DPP6: variants seen among roughly 807,000 people sequenced by gnomAD.
The protein encoded by DPP6 is A-type potassium channel modulatory protein DPP6.
In DPP6, 69 loss-of-function variants were observed where a neutral mutation model predicts 122.6. That is an observed-to-expected ratio of 0.56 (90% confidence interval 0.46 to 0.69). DPP6 has a LOEUF of 0.69. DPP6 is among the 30% of genes least tolerant of loss of function. The pLI is 0.00. For missense variants in DPP6, 928 were observed against 1,116.9 expected, an observed-to-expected ratio of 0.83 and a Z score of 2.41; for synonymous variants, 418 against 433.1, an observed-to-expected ratio of 0.97 and a Z score of 0.43.
intron 6 of DPP6, among the ~76,000 whole-genome samples, chr7:154,656,463 C>T (rs1008334210): frequency 6.6e-6 from 1 of 151,702 alleles, no homozygotes; most frequent in Non-Finnish European, 1.5e-5. Context: ...AAGCAGCAGC[C>T]GCAGCATGTG....
At chr7:154,720,400 G>A (rs729269) in intron 7 of DPP6, among the ~76,000 whole-genome samples, 28,074 of 152,252 alleles carry the variant, frequency 0.18, 2,859 homozygotes, top group Admixed American at 0.23. Flanking sequence ...CAAAGCAGAT[G>A]TTATCATTCT....
At chr7:154,709,763 G>C (rs1337598642) in intron 7 of DPP6, among the ~76,000 whole-genome samples, 1 of 151,846 alleles carries the variant, frequency 6.6e-6, no homozygotes, top group East Asian at 1.9e-4. Context: ...CTTTGTTGTT[G>C]GTATATCTCT....
intron 1 of DPP6, among the ~76,000 whole-genome samples, chr7:154,188,432 C>T (rs953527206): frequency 1.3e-5 from 2 of 152,106 alleles, no homozygotes; most frequent in African/African-American, 4.8e-5. Flanking sequence ...AATTAATTTA[C>T]AATCTAGTAG....
chr7:153,936,634 G>A (rs1392569775), intron 1 of DPP6, among the ~76,000 whole-genome samples: 5 of 150,456 alleles, frequency 3.3e-5, no homozygotes, highest in Admixed American at 6.6e-5. Flanking sequence ...GTGAAACCCC[G>A]TCTCTACTAA....
intron 1 of DPP6, among the ~76,000 whole-genome samples, chr7:153,892,645 G>A (rs1289583177): frequency 6.6e-6 from 1 of 152,166 alleles, no homozygotes; most frequent in East Asian, 1.9e-4. Context: ...ATTTCTAGGA[G>A]TGTGGCCTTC....
chr7:154,332,219 A>G (rs979736462), intron 1 of DPP6, among the ~76,000 whole-genome samples: 1 of 151,946 alleles, frequency 6.6e-6, no homozygotes, highest in African/African-American at 2.4e-5. Flanking sequence ...TTACAGGCAC[A>G]TGCCACCACG....
At chr7:154,751,927 A>G (rs544504787) in intron 8 of DPP6, among the ~76,000 whole-genome samples, 6 of 152,246 alleles carry the variant, frequency 3.9e-5, no homozygotes, top group Middle Eastern at 3.4e-3. Context: ...TGTCACCCTA[A>G]AAAGGGATCC....
chr7:153,871,527 C>T, the DPP6 span, among the ~76,000 whole-genome samples: 1 of 152,148 alleles, frequency 6.6e-6, no homozygotes, highest in African/African-American at 2.4e-5. Flanking sequence ...TGGGAGTGAC[C>T]CAATTTTCCA....
Position 154,676,122 on chromosome 7 carries a change from A to G in DPP6, c.762+6681A>G, listed in dbSNP as rs111649133. ...GTGTTCCGGGCTACAGCCTTGCAGC[A>G]TGCTGTCTGGAGGTCCAGCTGTCCT... On this transcript the variant is annotated intron_variant, in intron 7 of 25. Transcript: ENST00000377770. Among the ~76,000 whole-genome samples the G allele has an allele frequency of 4.0e-3, 469 of 117,818 alleles. 11 individuals are homozygous for G. The highest frequency in any genetic ancestry group is 9.4e-3 in the Middle Eastern group (2 of 212). 77.3% of individuals were successfully genotyped at this position (117,818 alleles called of 152,430 possible). A position where few individuals can be genotyped will look rare whatever the true frequency, so the allele number is the denominator to read the frequency against.
the DPP6 span, among the ~76,000 whole-genome samples, chr7:153,754,754 T>G: frequency 6.6e-6 from 1 of 152,356 alleles, no homozygotes; most frequent in South Asian, 2.1e-4. Flanking sequence ...ATTTAATTTC[T>G]GTGGTTCCAT....
chr7:154,467,832 T>C (rs578225100), intron 2 of DPP6, among the ~76,000 whole-genome samples: 1 of 152,346 alleles, frequency 6.6e-6, no homozygotes, highest in South Asian at 2.1e-4. Context: ...CATCTCTATG[T>C]TTGCCTTCTG....
chr7:154,014,287 A>G (rs2628666), intron 1 of DPP6, among the ~76,000 whole-genome samples: 4,562 of 114,502 alleles, frequency 0.04, 115 homozygotes, highest in South Asian at 0.068. Flanking sequence ...ATTTATAGAA[A>G]CTTTCAAATT....
intron 7 of DPP6, 68 bp downstream of exon 7, chr7:154,669,509 A>T (rs1454625757): frequency 9.1e-6 from 14 of 1,540,346 alleles, no homozygotes; most frequent in Non-Finnish European, 1.2e-5. Context: ...AGCTGAATGG[A>T]TCTCACTGTA....
intron 1 of DPP6, among the ~76,000 whole-genome samples, chr7:154,379,384 G>A (rs1042945697): frequency 1.3e-5 from 2 of 152,100 alleles, no homozygotes; most frequent in African/African-American, 4.8e-5. Flanking sequence ...GGGAGGGATA[G>A]CATTAGGAGA....
intron 7 of DPP6, among the ~76,000 whole-genome samples, chr7:154,703,083 A>G (rs904163932): frequency 2.4e-4 from 36 of 152,250 alleles, no homozygotes; most frequent in Non-Finnish European, 3.7e-4. Context: ...GGCCTGGATT[A>G]TAGCACAACT....
At chr7:154,525,813 CT>C (rs1827364724) in intron 3 of DPP6, among the ~76,000 whole-genome samples, 1 of 151,700 alleles carries the variant, frequency 6.6e-6, no homozygotes, top group East Asian at 1.9e-4. Context: ...AAACACCTAC[CT>C]TTTCTAAGCA....
At chr7:154,177,103 G>A (rs985500742) in intron 1 of DPP6, among the ~76,000 whole-genome samples, 1 of 152,084 alleles carries the variant, frequency 6.6e-6, no homozygotes, top group Non-Finnish European at 1.5e-5. Flanking sequence ...CAAAGTGCTG[G>A]GTTTACAGGC....
At chr7:153,781,977 TAC>T in the DPP6 span, among the ~76,000 whole-genome samples, 414 of 89,262 alleles carry the variant, frequency 4.6e-3, 18 homozygotes, top group East Asian at 8.1e-3. Flanking sequence ...CCCCAGAGAA[TAC>T]ACACACACAC....
In DPP6 at chr7:154,177,905, G is replaced by A. The variant is rs549278400; in HGVS notation, c.243+124842G>A. On this transcript the variant is annotated intron_variant, in intron 1 of 25. Transcript: ENST00000377770. ...TTTGTCATGGACAGGGGAGAAACAT[G>A]AGGCCCAGAGAGGTAAGGTGAGCAC... is the stretch of plus-strand genomic sequence containing the variant. 5.9e-5 allele frequency among the ~76,000 whole-genome samples: 9 copies of A among 152,308 alleles called. No individual in the cohort carries two copies. The East Asian group carries it at 1.7e-3, about 29-fold the overall frequency.
Sources: gnomAD v4.1 joint callset for allele counts (sites outside exome capture counted in the v4.1 genomes callset) on GRCh38, gnomAD v4.1.1 for gene constraint, MANE v1.5 for transcripts, NCBI Gene and HGNC (gene_info 2026-07-23, HGNC 2026-07-21) for gene names.